The following RNLS variants were observed in gnomAD, a reference collection of about 807,000 sequenced individuals.
RNLS encodes the protein renalase, FAD dependent amine oxidase, also known as renalase.
A neutral mutation model predicts 39.8 loss-of-function variants in RNLS; 39 were observed. That is an observed-to-expected ratio of 0.98 (90% CI 0.76 to 1.28). The LOEUF (loss-of-function observed/expected upper bound fraction) is 1.28. Among genes scored for constraint, RNLS ranks in the 50% most tolerant of loss-of-function variants. The pLI is 0.00. For synonymous variants in RNLS, 147 were observed against 150.7 expected, an observed-to-expected ratio of 0.98 and a Z score of 0.18; for missense variants, 410 against 413.3, an observed-to-expected ratio of 0.99 and a Z score of 0.07.
chr10:88,452,494 G>C (rs749990638), intron 4 of RNLS, among the ~76,000 whole-genome samples: 3 of 152,056 alleles, frequency 2.0e-5, no homozygotes, highest in Non-Finnish European at 4.4e-5. Flanking sequence ...TCAGGATGTA[G>C]TGTAGACTTT....
chr10:88,279,810 TC>T (rs1358176879), downstream of RNLS, among the ~76,000 whole-genome samples: 1 of 152,168 alleles, frequency 6.6e-6, no homozygotes, highest in Non-Finnish European at 1.5e-5. Flanking sequence ...CTAGTGTCTT[TC>T]CAAGGACTAC....
chr10:88,361,502 G>A (rs576465743), intron 5 of RNLS, among the ~76,000 whole-genome samples: 1 of 152,300 alleles, frequency 6.6e-6, no homozygotes, highest in South Asian at 2.1e-4. Context: ...AGCAGTTGTA[G>A]AGTTAAAAAT....
chr10:88,575,215 TATA>T (rs1850127047), intron 3 of RNLS, among the ~76,000 whole-genome samples: 1 of 9,078 alleles, frequency 1.1e-4, no homozygotes, highest in Non-Finnish European at 1.6e-4. Context: ...TATGTGTGTG[TATA>T]TATATATATA....
intron 4 of RNLS, among the ~76,000 whole-genome samples, chr10:88,526,253 A>G (rs1010925034): frequency 6.6e-6 from 1 of 151,454 alleles, no homozygotes; most frequent in Non-Finnish European, 1.5e-5. Flanking sequence ...ACACATTTAG[A>G]AATCATACTA....
At chr10:88,411,366 G>A (rs891219870) in intron 4 of RNLS, among the ~76,000 whole-genome samples, 4 of 151,732 alleles carry the variant, frequency 2.6e-5, no homozygotes, top group Non-Finnish European at 5.9e-5. Context: ...TTTCCTCAGC[G>A]GACCACAGAA....
chr10:88,290,921 G>A (rs1049318865), intron 6 of RNLS, among the ~76,000 whole-genome samples: 1 of 152,178 alleles, frequency 6.6e-6, no homozygotes, highest in African/African-American at 2.4e-5. Context: ...GGAAAGAAAG[G>A]TTTTCAGACA....
chr10:88,398,361 C>T (rs1852697580), intron 4 of RNLS, among the ~76,000 whole-genome samples: 2 of 151,880 alleles, frequency 1.3e-5, no homozygotes, highest in Admixed American at 6.6e-5. Flanking sequence ...TTGTATGGTA[C>T]CTGGCCTTAG....
At chr10:88,439,921 A>T (rs1841618062) in intron 4 of RNLS, among the ~76,000 whole-genome samples, 1 of 152,124 alleles carries the variant, frequency 6.6e-6, no homozygotes, top group Admixed American at 6.5e-5. Context: ...ATCTTCTCCA[A>T]TTCCTCCTGT....
intron 4 of RNLS, among the ~76,000 whole-genome samples, chr10:88,487,655 C>T (rs1844614170): frequency 6.6e-6 from 1 of 151,264 alleles, no homozygotes; most frequent in Non-Finnish European, 1.5e-5. Context: ...AGTGAAACCA[C>T]TTGGAAAATA....
At chr10:88,573,479 T>C (rs1849976013) in intron 3 of RNLS, among the ~76,000 whole-genome samples, 2 of 152,168 alleles carry the variant, frequency 1.3e-5, no homozygotes, top group African/African-American at 4.8e-5. Flanking sequence ...GCAGAACAAG[T>C]ATACACTTCA....
chr10:88,321,502 C>T (rs1397141796), intron 5 of RNLS, among the ~76,000 whole-genome samples: 4 of 151,710 alleles, frequency 2.6e-5, no homozygotes, highest in African/African-American at 4.8e-5. Flanking sequence ...TAAAGATCAA[C>T]GAAATGAAAA....
the RNLS span, among the ~76,000 whole-genome samples, chr10:88,241,502 C>T: frequency 2.0e-5 from 3 of 152,134 alleles, no homozygotes; most frequent in Non-Finnish European, 4.4e-5. Flanking sequence ...TGTCCCTTTT[C>T]ATGTCTAGTA....
rs560615545 is a variant in RNLS, at chr10:88,310,636, T to A, written c.876+3830A>T. On this transcript the variant is annotated intron_variant, in intron 6 of 6. Coordinates refer to ENST00000331772, the MANE Select transcript of RNLS (RefSeq NM_001031709.3). Reference sequence around the variant, plus strand: ...CAAGACCCCGTGACTACAAACATTTTAAAAAATTAACCGGGAACAGTAGTG... The same window carrying A: ...CAAGACCCCGTGACTACAAACATTTAAAAAAATTAACCGGGAACAGTAGTG... Among the ~76,000 whole-genome samples, 7 of 150,758 alleles carry A rather than the reference T, an allele frequency of 4.6e-5. No homozygotes were observed. The East Asian group carries it at 7.8e-4, about 17-fold the overall frequency.
intron 6 of RNLS, among the ~76,000 whole-genome samples, chr10:88,306,687 G>A (rs286483): frequency 0.99 from 150,457 of 152,280 alleles, 74,331 homozygotes; most frequent in East Asian, 1. Flanking sequence ...TCAGTAACAA[G>A]TAGCCTACGA....
At chr10:88,408,440 G>A (rs1853431294) in intron 4 of RNLS, among the ~76,000 whole-genome samples, 1 of 151,960 alleles carries the variant, frequency 6.6e-6, no homozygotes, top group Admixed American at 6.6e-5. Context: ...AATAAGTTTA[G>A]TGCCCTAATG....
At chr10:88,191,060 C>T in the RNLS span, among the ~76,000 whole-genome samples, 1 of 152,226 alleles carries the variant, frequency 6.6e-6, no homozygotes, top group Non-Finnish European at 1.5e-5. Context: ...TGCTTAGACC[C>T]AGCTGGCTTG....
At chr10:88,191,494 A>C in the RNLS span, among the ~76,000 whole-genome samples, 1 of 152,128 alleles carries the variant, frequency 6.6e-6, no homozygotes, top group Admixed American at 6.5e-5. Flanking sequence ...AAATCAAGTC[A>C]ATTAACCTAG....
chr10:88,241,830 T>C, the RNLS span, among the ~76,000 whole-genome samples: 1 of 152,078 alleles, frequency 6.6e-6, no homozygotes, highest in Admixed American at 6.5e-5. Flanking sequence ...CTCTGTGCAT[T>C]TATACAGACT....
At chr10:88,228,313 G>A in the RNLS span, among the ~76,000 whole-genome samples, 11 of 152,190 alleles carry the variant, frequency 7.2e-5, no homozygotes, top group Admixed American at 2.0e-4. Context: ...GCTGTATTCA[G>A]TGATTCAGCA....
Sources: allele counts gnomAD v4.1 joint callset (sites outside exome capture counted in the v4.1 genomes callset), GRCh38; gene constraint gnomAD v4.1.1; transcripts MANE v1.5; gene names NCBI Gene and HGNC (gene_info 2026-07-23, HGNC 2026-07-21).